PTPRN2: variants seen among roughly 807,000 people sequenced by gnomAD.
PTPRN2 encodes protein tyrosine phosphatase receptor type N2.
A neutral mutation model predicts 118.8 loss-of-function variants in PTPRN2; 74 were observed. The ratio of observed to expected loss-of-function variants is 0.62; its 90% CI spans 0.52 to 0.76. The LOEUF is 0.76. Among genes scored for constraint, PTPRN2 ranks in the 30% least tolerant of loss-of-function variants. The pLI is 0.00. For synonymous variants in PTPRN2, 641 were observed against 608.0 expected (o/e 1.05, Z -0.80); for missense variants, 1,481 against 1,394.4 (o/e 1.06, Z -0.99).
intron 12 of PTPRN2, among the ~76,000 whole-genome samples, chr7:157,829,042 A>G (rs1332720003): frequency 2.0e-5 from 3 of 152,270 alleles, no homozygotes; most frequent in African/African-American, 7.2e-5. Context: ...ATGCACTTGG[A>G]GTTCTTCCTT....
intron 11 of PTPRN2, among the ~76,000 whole-genome samples, chr7:157,922,194 G>C (rs1451352348): frequency 2.0e-5 from 3 of 152,210 alleles, no homozygotes; most frequent in African/African-American, 7.2e-5. Flanking sequence ...GGAGAATTTT[G>C]AAGAGAGATG....
At chr7:158,282,444 G>T (rs1459118822) in intron 3 of PTPRN2, among the ~76,000 whole-genome samples, 1 of 152,226 alleles carries the variant, frequency 6.6e-6, no homozygotes, top group Non-Finnish European at 1.5e-5. Flanking sequence ...AGGAGACGCA[G>T]ATCAGGAGTC....
intron 2 of PTPRN2, among the ~76,000 whole-genome samples, chr7:158,345,895 CT>C (rs1263663255): frequency 6.6e-6 from 1 of 152,102 alleles, no homozygotes; most frequent in African/African-American, 2.4e-5. Context: ...GAGTGCTACA[CT>C]TTTAAACCAT....
At chr7:157,834,529 C>T (rs1807803732) in intron 12 of PTPRN2, among the ~76,000 whole-genome samples, 3 of 145,500 alleles carry the variant, frequency 2.1e-5, no homozygotes, top group Admixed American at 2.0e-4. Flanking sequence ...ATCAGTGAGC[C>T]AGAAGCACTC....
chr7:158,488,483 C>A (rs546987816), intron 2 of PTPRN2, among the ~76,000 whole-genome samples: 1 of 152,180 alleles, frequency 6.6e-6, no homozygotes, highest in Non-Finnish European at 1.5e-5. Context: ...CACAGAGGTG[C>A]CCCCAGCCCC....
intron 13 of PTPRN2, chr7:157,669,421 A>ACG (rs960385222): frequency 1.3e-4 from 49 of 382,568 alleles, no homozygotes; most frequent in Middle Eastern, 8.2e-4. Context: ...ACGTGTTTGC[A>ACG]CGCGCACACA....
At position 157,869,696 on chromosome 7, in the gene PTPRN2, G is replaced by A. The variant is rs891935383; in HGVS notation, c.1788+28977C>T. On this transcript the variant is annotated intron_variant, in intron 12 of 22. Coordinates refer to ENST00000389418, the MANE Select transcript of PTPRN2 (RefSeq NM_002847.5). This position sits in a 1 kb window ranked among gnomAD's most constrained non-coding sequence, Gnocchi z 4.2. Reference sequence around the variant, plus strand: ...AGGACTGTAGGGGGATGCCTCATGAGTTCTCATCGGAACTCTTGCTAAATT... The same window carrying A: ...AGGACTGTAGGGGGATGCCTCATGAATTCTCATCGGAACTCTTGCTAAATT... Among the ~76,000 whole-genome samples, 3 of 152,212 alleles carry A rather than the reference G, an allele frequency of 2.0e-5. No individual in the cohort carries two copies. The highest frequency in any genetic ancestry group is 4.8e-5 in the African/African-American group (2 of 41,452).
At chr7:157,886,973 CG>C (rs1019789910) in intron 12 of PTPRN2, among the ~76,000 whole-genome samples, 19 of 150,888 alleles carry the variant, frequency 1.3e-4, no homozygotes, top group Non-Finnish European at 2.5e-4. Context: ...CCACCCATGA[CG>C]GGCCTGTCCT....
intron 9 of PTPRN2, among the ~76,000 whole-genome samples, chr7:158,118,389 A>G (rs1302991924): frequency 6.6e-6 from 1 of 152,254 alleles, no homozygotes; most frequent in Non-Finnish European, 1.5e-5. Flanking sequence ...CAAAGAAAAT[A>G]GCTACATAAT....
rs376114383 is a variant in PTPRN2 at position 157,671,376 on chromosome 7, C to T, written c.2001+11349G>A. On this transcript the variant is annotated intron_variant, in intron 13 of 22. Coordinates refer to ENST00000389418, the MANE Select transcript of PTPRN2 (RefSeq NM_002847.5). This position sits in a 1 kb window ranked among gnomAD's most constrained non-coding sequence, Gnocchi z 4.1. ...TGGTGACGAGACGTCACCGCAGAGG[C>T]GGCAGAAGGGATAAAGGGGAGGTAG... Among the ~76,000 whole-genome samples the T allele has an allele frequency of 9.4e-4, 143 of 152,248 alleles. 2 individuals carry two copies. In the South Asian group the frequency reaches 0.016, roughly 17 times the overall value.
chr7:157,740,323 C>A (rs1199542082), intron 12 of PTPRN2: 1 of 152,314 alleles, frequency 6.6e-6, no homozygotes, highest in Admixed American at 6.5e-5. Flanking sequence ...CACCAGAGAA[C>A]CAGCAAGGTC....
intron 1 of PTPRN2, among the ~76,000 whole-genome samples, chr7:158,507,868 T>A (rs1346869474): frequency 6.9e-6 from 1 of 145,448 alleles, no homozygotes; most frequent in Non-Finnish European, 1.5e-5. Context: ...GGGATAGCGC[T>A]GCAGTGTGCA....
At chr7:157,882,935 G>A (rs1796231482) in intron 12 of PTPRN2, among the ~76,000 whole-genome samples, 1 of 150,096 alleles carries the variant, frequency 6.7e-6, no homozygotes, top group Non-Finnish European at 1.5e-5. Context: ...AAAATTGACT[G>A]TTGGAGAACA....
At chr7:157,604,295 C>A (rs900261214) in intron 15 of PTPRN2, among the ~76,000 whole-genome samples, 1 of 152,242 alleles carries the variant, frequency 6.6e-6, no homozygotes, top group African/African-American at 2.4e-5. Context: ...GCATCCTCTC[C>A]CAGGACTCTG....
rs1797941359 is a variant in PTPRN2, at chr7:157,540,019, G to C, written c.*695C>G. 6.6e-6 allele frequency: 1 copy of C among 152,240 alleles called. No individual in the cohort carries two copies. The highest frequency in any genetic ancestry group is 2.1e-4 in the South Asian group (1 of 4,832). 9.4% of individuals were successfully genotyped at this position (152,240 alleles called of 1,614,324 possible). On this transcript the variant is annotated 3_prime_UTR_variant, in exon 23 of 23. Coordinates refer to ENST00000389418, the MANE Select transcript of PTPRN2 (RefSeq NM_002847.5). ...GCATCTGTAACTTTGCAAAGGTGAG[G>C]TCAGGGGAGTGCCAGCCTCAAGTGG... is the stretch of plus-strand genomic sequence containing the variant.
chr7:158,445,407 T>C (rs1476700799), intron 2 of PTPRN2, among the ~76,000 whole-genome samples: 2 of 152,154 alleles, frequency 1.3e-5, no homozygotes, highest in African/African-American at 4.8e-5. Flanking sequence ...CACTCTACAC[T>C]GCACAGCAGC....
At chr7:158,207,154 C>T (rs1827220109) in intron 3 of PTPRN2, among the ~76,000 whole-genome samples, 1 of 145,528 alleles carries the variant, frequency 6.9e-6, no homozygotes, top group Non-Finnish European at 1.5e-5. Flanking sequence ...TTTTTTATGG[C>T]TGCATAGTAT....
At chr7:157,570,436 T>C (rs112513445) in intron 20 of PTPRN2, among the ~76,000 whole-genome samples, 58 of 152,352 alleles carry the variant, frequency 3.8e-4, no homozygotes, top group African/African-American at 1.3e-3. Context: ...TGCTTCTTGA[T>C]TGGATTTGAC....
chr7:157,636,430 A>G (rs1215277022), intron 14 of PTPRN2, among the ~76,000 whole-genome samples: 1 of 152,218 alleles, frequency 6.6e-6, no homozygotes, highest in Non-Finnish European at 1.5e-5. Flanking sequence ...AACAACAACA[A>G]TTGACAGTGT....
Sources: allele counts gnomAD v4.1 joint callset (sites outside exome capture counted in the v4.1 genomes callset), GRCh38; gene constraint gnomAD v4.1.1; non-coding constraint Gnocchi (gnomAD v3.1); transcripts MANE v1.5; gene names NCBI Gene and HGNC (gene_info 2026-07-23, HGNC 2026-07-21).